The following SGMS1 variants were observed in gnomAD, a reference collection of about 807,000 sequenced individuals.
SGMS1 encodes the protein sphingomyelin synthase 1, also known as phosphatidylcholine:ceramide cholinephosphotransferase 1.
SGMS1 carries 13 observed loss-of-function variants against 46.2 expected under a neutral mutation model. That is an observed-to-expected ratio of 0.28 (90% confidence interval 0.18 to 0.45). The LOEUF (loss-of-function observed/expected upper bound fraction) is 0.45, where lower values mean the gene tolerates loss of function less well. SGMS1 is among the 20% of genes least tolerant of loss of function. The probability of loss-of-function intolerance (pLI) is 1.00; values close to 1 mark genes in which losing one functional copy is unlikely to be tolerated. For missense variants in SGMS1, 324 were observed against 519.9 expected, an observed-to-expected ratio of 0.62 and a Z score of 3.66; for synonymous variants, 203 against 187.8, an observed-to-expected ratio of 1.08 and a Z score of -0.66.
chr10:50,306,881 G>T lies in SGMS1; in HGVS notation c.*261C>A. 1 of 328,790 alleles carries T rather than the reference G, an allele frequency of 3.0e-6. No individual in the cohort carries two copies. The highest frequency in any genetic ancestry group is 5.5e-6 in the Non-Finnish European group (1 of 180,960). 20.4% of individuals were successfully genotyped at this position (328,790 alleles called of 1,614,324 possible). Reference sequence around the variant, plus strand: ...GCATCATATACAAAGGAACATGGTGGTTGCGGGTTATGTAAATCCCAAACT... The same window carrying T: ...GCATCATATACAAAGGAACATGGTGTTTGCGGGTTATGTAAATCCCAAACT... On this transcript the variant is annotated 3_prime_UTR_variant, in exon 11 of 11. Coordinates refer to ENST00000361781, the MANE Select transcript of SGMS1 (RefSeq NM_147156.4).
intron 3 of SGMS1, among the ~76,000 whole-genome samples, chr10:50,483,272 G>A (rs1261566837): frequency 6.6e-6 from 1 of 152,086 alleles, no homozygotes; most frequent in Non-Finnish European, 1.5e-5. Context: ...TAGAGGCAGG[G>A]TTTCACCATG....
chr10:50,410,126 T>A (rs1849076035), intron 6 of SGMS1, among the ~76,000 whole-genome samples: 1 of 152,226 alleles, frequency 6.6e-6, no homozygotes, highest in South Asian at 2.1e-4. Flanking sequence ...CTCGTTTACA[T>A]GAGTCACTCA....
chr10:50,451,875 T>C (rs1398998010), intron 5 of SGMS1, among the ~76,000 whole-genome samples: 1 of 152,210 alleles, frequency 6.6e-6, no homozygotes, highest in East Asian at 1.9e-4. Flanking sequence ...AGTTTCTTTT[T>C]TTGAAATCAC....
At chr10:50,611,317 C>G (rs1244168196) in intron 1 of SGMS1, among the ~76,000 whole-genome samples, 2 of 152,228 alleles carry the variant, frequency 1.3e-5, no homozygotes, top group African/African-American at 4.8e-5. Flanking sequence ...ACTGTGGACA[C>G]ACGCCAAGGG....
intron 2 of SGMS1, among the ~76,000 whole-genome samples, chr10:50,550,374 G>A (rs940714141): frequency 2.0e-5 from 3 of 152,140 alleles, no homozygotes; most frequent in African/African-American, 7.2e-5. Flanking sequence ...GCAACTGCAA[G>A]TTCTAATCCC....
intron 1 of SGMS1, among the ~76,000 whole-genome samples, chr10:50,609,179 T>A (rs940710430): frequency 3.9e-5 from 6 of 151,996 alleles, no homozygotes; most frequent in African/African-American, 1.2e-4. Flanking sequence ...CCACATTGCC[T>A]AGGCTGGTCT....
chr10:50,618,037 G>T (rs549548977), intron 1 of SGMS1, among the ~76,000 whole-genome samples: 2 of 152,118 alleles, frequency 1.3e-5, no homozygotes, highest in African/African-American at 4.8e-5. Flanking sequence ...TCTTAATAAA[G>T]TTGAAAAAGT....
chr10:50,621,121 A>G (rs999379931), intron 1 of SGMS1, among the ~76,000 whole-genome samples: 13 of 152,162 alleles, frequency 8.5e-5, no homozygotes, highest in African/African-American at 3.1e-4. Flanking sequence ...AAGCTACAGT[A>G]AGCCGAGATT....
chr10:50,471,274 G>A (rs1001401311), intron 3 of SGMS1, among the ~76,000 whole-genome samples: 31 of 152,112 alleles, frequency 2.0e-4, no homozygotes, highest in African/African-American at 5.6e-4. Flanking sequence ...CCCTTCATTC[G>A]GCAAACATTT....
intron 6 of SGMS1, among the ~76,000 whole-genome samples, chr10:50,350,254 G>T (rs117114005): frequency 1.3e-5 from 2 of 152,116 alleles, no homozygotes; most frequent in African/African-American, 4.8e-5. Context: ...GGTACCTGGC[G>T]GAAGAAATTT....
chr10:50,425,928 T>C (rs1849319958), intron 6 of SGMS1, among the ~76,000 whole-genome samples: 1 of 152,176 alleles, frequency 6.6e-6, no homozygotes, highest in Admixed American at 6.5e-5. Context: ...TAATTATATC[T>C]GGAAATATAT....
chr10:50,350,210 T>C (rs1053162654), intron 6 of SGMS1, among the ~76,000 whole-genome samples: 2 of 152,170 alleles, frequency 1.3e-5, no homozygotes, highest in Non-Finnish European at 2.9e-5. Context: ...CCCTAGAGAT[T>C]TGTGGAACTT....
intron 9 of SGMS1, 94 bp downstream of exon 9, chr10:50,311,168 C>T: frequency 4.1e-6 from 6 of 1,466,554 alleles, no homozygotes; most frequent in Non-Finnish European, 5.6e-6. Flanking sequence ...AGTCTTGCTT[C>T]AGCAGATTTT....
At chr10:50,311,801 A>G (rs77368593) in intron 8 of SGMS1, among the ~76,000 whole-genome samples, 1 of 152,350 alleles carries the variant, frequency 6.6e-6, no homozygotes, top group African/African-American at 2.4e-5. Context: ...AAAAATTTAA[A>G]GATGTATTTT....
rs1385423406 is a variant in SGMS1 at position 50,306,260 on chromosome 10, G to A, written c.*882C>T. 6.6e-6 allele frequency: 1 copy of A among 152,388 alleles called. No individual in the cohort carries two copies. The highest frequency in any genetic ancestry group is 1.5e-5 in the Non-Finnish European group (1 of 67,988). The allele number at this position is 152,388 out of a possible 1,614,324, so 9.4% of individuals were successfully genotyped here. A position where few individuals can be genotyped will look rare whatever the true frequency, so the allele number is the denominator to read the frequency against. On this transcript the variant is annotated 3_prime_UTR_variant, in exon 11 of 11. Transcript: ENST00000361781. ...AGTCATTGCAATTTTAAAACCATAA[G>A]CAGTCTTCTGATTCAATTTAGCTAT...
At chr10:50,563,136 C>T (rs892514290) in intron 2 of SGMS1, among the ~76,000 whole-genome samples, 5 of 152,210 alleles carry the variant, frequency 3.3e-5, no homozygotes, top group African/African-American at 4.8e-5. Flanking sequence ...TGCTGGCTTC[C>T]TGTTAGGCAC....
At position 50,617,580 on chromosome 10, in the gene SGMS1, T is replaced by G. The variant is rs140073681; in HGVS notation, c.-684+6127A>C. ...TATAAGTTACAACTCTTATTTTTATTTATGTATTTATTTATTTATGAGACA... is the reference window on the plus strand; with the variant it reads ...TATAAGTTACAACTCTTATTTTTATGTATGTATTTATTTATTTATGAGACA... On this transcript the variant is annotated intron_variant, in intron 1 of 10. Transcript: ENST00000361781. Among the ~76,000 whole-genome samples the G allele has an allele frequency of 5.0e-3, 758 of 152,220 alleles. 4 individuals carry two copies. The highest frequency in any genetic ancestry group is 0.017 in the African/African-American group (719 of 41,518).
intron 1 of SGMS1, among the ~76,000 whole-genome samples, chr10:50,607,308 C>A (rs2131921721): frequency 6.6e-6 from 1 of 152,182 alleles, no homozygotes; most frequent in South Asian, 2.1e-4. Context: ...TGTATAACAG[C>A]ATTGACATGG....
rs964992280 is a variant in SGMS1 at position 50,623,916 on chromosome 10, G to A, written c.-893C>T. 3.0e-6 allele frequency: 3 copies of A among 986,822 alleles called. No homozygotes were observed. In the African/African-American group the frequency reaches 5.2e-5, roughly 17 times the overall value. 61.1% of individuals were successfully genotyped at this position (986,822 alleles called of 1,614,324 possible). ...GCCGCCCGCAGCCGCTGCCCCGCTG[G>A]TGCGAACGCTTTCGACTTGCCACCG... On this transcript the variant is annotated 5_prime_UTR_variant, in exon 1 of 11. Transcript: ENST00000361781.
Sources: allele counts gnomAD v4.1 joint callset (sites outside exome capture counted in the v4.1 genomes callset), GRCh38; gene constraint gnomAD v4.1.1; transcripts MANE v1.5; gene names NCBI Gene and HGNC (gene_info 2026-07-23, HGNC 2026-07-21).